The following FYB1 variants were observed in gnomAD, a reference collection of about 807,000 sequenced individuals.
FYB1 encodes the protein FYN binding protein 1.
In FYB1, 41 loss-of-function variants were observed where a neutral mutation model predicts 94.1. That is an observed-to-expected ratio of 0.44 (90% CI 0.34 to 0.57). FYB1 has a LOEUF of 0.57. FYB1 is among the 20% of genes least tolerant of loss of function. The pLI, the probability that FYB1 is intolerant of heterozygous loss-of-function variation, is 0.02. For synonymous variants in FYB1, 367 were observed against 353.2 expected (o/e 1.04, Z -0.44); for missense variants, 1,050 against 976.8 (o/e 1.07, Z -1.00).
At chr5:39,174,612 T>A (rs140415961) in intron 2 of FYB1, among the ~76,000 whole-genome samples, 7 of 152,200 alleles carry the variant, frequency 4.6e-5, no homozygotes, top group Non-Finnish European at 8.8e-5. Context: ...GTTTAATAAA[T>A]GATTTACTCA....
At chr5:39,257,532 TTAAAA>T (rs1019394069) in intron 1 of FYB1, among the ~76,000 whole-genome samples, 18 of 152,086 alleles carry the variant, frequency 1.2e-4, no homozygotes, top group African/African-American at 2.7e-4. Flanking sequence ...CATGCAACTC[TTAAAA>T]TAAACTTAAC....
intron 2 of FYB1, among the ~76,000 whole-genome samples, chr5:39,164,614 G>A (rs1744558418): frequency 6.6e-6 from 1 of 152,090 alleles, no homozygotes; most frequent in South Asian, 2.1e-4. Context: ...AGTAGAGACA[G>A]GATTTCACCA....
intron 3 of FYB1, among the ~76,000 whole-genome samples, chr5:39,147,749 A>C (rs1580385687): frequency 7.5e-6 from 1 of 133,134 alleles, no homozygotes; most frequent in Non-Finnish European, 1.6e-5. Flanking sequence ...TCTGTCGCCC[A>C]GGCTCACTGC....
intron 9 of FYB1, 116 bp downstream of exon 9, chr5:39,134,092 A>T: frequency 1.5e-6 from 1 of 664,170 alleles, no homozygotes; most frequent in Non-Finnish European, 2.4e-6. Flanking sequence ...GTGGTCATTT[A>T]GTTTAGTGAT....
At chr5:39,251,729 T>C (rs113613604) in intron 1 of FYB1, among the ~76,000 whole-genome samples, 24 of 152,090 alleles carry the variant, frequency 1.6e-4, no homozygotes, top group African/African-American at 5.8e-4. Flanking sequence ...TATTTATACA[T>C]GGATAAGGAC....
intron 16 of FYB1, among the ~76,000 whole-genome samples, chr5:39,113,104 C>T (rs1015656383): frequency 5.3e-5 from 8 of 152,016 alleles, no homozygotes; most frequent in Admixed American, 2.0e-4. Context: ...CTATTAAAAG[C>T]GTGATTCGTG....
intron 3 of FYB1, among the ~76,000 whole-genome samples, chr5:39,147,452 C>CTGTG (rs71606520): frequency 0.44 from 64,163 of 144,266 alleles, 14,381 homozygotes; most frequent in South Asian, 0.56. Context: ...GTACATATGC[C>CTGTG]TGTGTGTGTG....
chr5:39,125,785 A>T (rs1358576981), intron 12 of FYB1, among the ~76,000 whole-genome samples: 1 of 152,172 alleles, frequency 6.6e-6, no homozygotes. Flanking sequence ...TCTTTGAACT[A>T]TATGATGATT....
At position 39,105,616 on chromosome 5, in the gene FYB1, C is replaced by T. The variant is rs931156937; in HGVS notation, c.*1827G>A. 5.3e-5 allele frequency: 8 copies of T among 152,106 alleles called. No homozygotes were observed. Among genetic ancestry groups the T allele is most frequent in the Non-Finnish European group, 1.0e-4 (7 of 68,020 alleles). The allele number at this position is 152,106 out of a possible 1,614,324, so 9.4% of individuals were successfully genotyped here. A position where few individuals can be genotyped will look rare whatever the true frequency, so the allele number is the denominator to read the frequency against. Reference sequence around the variant, plus strand: ...CAGGGCACTCTGAAAGTTTAGCAAGCTTATCAAGGAGTCCTCAAACTAAAG... The same window carrying T: ...CAGGGCACTCTGAAAGTTTAGCAAGTTTATCAAGGAGTCCTCAAACTAAAG... On this transcript the variant is annotated 3_prime_UTR_variant, in exon 19 of 19. Coordinates refer to ENST00000512982, the MANE Select transcript of FYB1 (RefSeq NM_001465.6).
intron 1 of FYB1, among the ~76,000 whole-genome samples, chr5:39,261,373 A>AC (rs1352189897): frequency 1.3e-5 from 1 of 78,176 alleles, no homozygotes; most frequent in South Asian, 4.7e-4. Context: ...CACACACACA[A>AC]AGAAATTGTT....
chr5:39,117,014 T>C (rs562967305), intron 16 of FYB1, among the ~76,000 whole-genome samples: 23 of 152,252 alleles, frequency 1.5e-4, no homozygotes, highest in South Asian at 1.2e-3. Flanking sequence ...GGGCAAGATA[T>C]GTAGAAGCTT....
rs573264147 is a variant in FYB1, at chr5:39,242,599, T to G, written c.-28+31804A>C. Reference sequence around the variant, plus strand: ...ATTGTGAATAGTGCCACAATAAACATATGTGTGCATGTGTCTTTATAGTAG... The same window carrying G: ...ATTGTGAATAGTGCCACAATAAACAGATGTGTGCATGTGTCTTTATAGTAG... On this transcript the variant is annotated intron_variant, in intron 1 of 1. Transcript: ENST00000510188. Among the ~76,000 whole-genome samples, 8 of 152,232 alleles carry G rather than the reference T, an allele frequency of 5.3e-5. No individual in the cohort carries two copies. In the East Asian group the frequency reaches 1.4e-3, roughly 26 times the overall value.
At chr5:39,131,991 A>G (rs747991718) in intron 9 of FYB1, among the ~76,000 whole-genome samples, 17 of 152,236 alleles carry the variant, frequency 1.1e-4, no homozygotes, top group Admixed American at 2.0e-4. Context: ...AGAGAGAGAT[A>G]CATGGAAGGA....
intron 1 of FYB1, among the ~76,000 whole-genome samples, chr5:39,231,670 C>G (rs144485192): frequency 1.2e-3 from 178 of 152,090 alleles, no homozygotes; most frequent in African/African-American, 4.0e-3. Context: ...AGAAAGAGTG[C>G]TAATAAGGAG....
intron 2 of FYB1, among the ~76,000 whole-genome samples, chr5:39,195,293 G>A (rs1483671908): frequency 1.3e-5 from 2 of 152,142 alleles, no homozygotes; most frequent in African/African-American, 2.4e-5. Flanking sequence ...TGGTGGCTAG[G>A]AGCAACAATT....
chr5:39,211,262 G>A (rs1301962146), intron 1 of FYB1, among the ~76,000 whole-genome samples: 1 of 150,956 alleles, frequency 6.6e-6, no homozygotes, highest in Non-Finnish European at 1.5e-5. Flanking sequence ...CATTTTTTCT[G>A]TTCCTCCAAC....
chr5:39,130,228 A>T (rs1176986954), intron 10 of FYB1, among the ~76,000 whole-genome samples: 1 of 152,092 alleles, frequency 6.6e-6, no homozygotes, highest in Non-Finnish European at 1.5e-5. Context: ...TAGAGAGTAG[A>T]GTGATTGTTA....
intron 1 of FYB1, among the ~76,000 whole-genome samples, chr5:39,272,460 C>T (rs1385051588): frequency 1.3e-5 from 2 of 151,080 alleles, no homozygotes; most frequent in Non-Finnish European, 2.9e-5. Context: ...GTCAGGAGAT[C>T]GAAACCATCC....
Position 39,191,328 on chromosome 5 carries a change from C to G in FYB1, c.1135+10498G>C, listed in dbSNP as rs944782412. On this transcript the variant is annotated intron_variant, in intron 2 of 18. Coordinates refer to ENST00000512982, the MANE Select transcript of FYB1 (RefSeq NM_001465.6). ...ACTGCCACCCCTGGAAACACACAGG[C>G]TCTGTTGCCAGGACCAAGGCTGAAA... 3.9e-5 allele frequency among the ~76,000 whole-genome samples: 6 copies of G among 152,352 alleles called. No individual in the cohort carries two copies. The East Asian group carries it at 9.7e-4, about 25-fold the overall frequency.
Sources: allele counts gnomAD v4.1 joint callset (sites outside exome capture counted in the v4.1 genomes callset), GRCh38; gene constraint gnomAD v4.1.1; transcripts MANE v1.5; gene names NCBI Gene and HGNC (gene_info 2026-07-23, HGNC 2026-07-21).